The following SH3D19 variants were observed in gnomAD, a reference collection of about 807,000 sequenced individuals.
SH3D19 encodes SH3 domain containing 19.
SH3D19 carries 58 observed loss-of-function variants against 112.1 expected under a neutral mutation model. The ratio of observed to expected loss-of-function variants is 0.52; its 90% confidence interval spans 0.42 to 0.64. SH3D19 has a LOEUF of 0.64. Among genes scored for constraint, SH3D19 ranks in the 30% least tolerant of loss-of-function variants. The pLI, the probability that SH3D19 is intolerant of heterozygous loss-of-function variation, is 0.00. For synonymous variants in SH3D19, 391 were observed against 448.5 expected, an observed-to-expected ratio of 0.87 and a Z score of 1.62; for missense variants, 1,090 against 1,263.4, an observed-to-expected ratio of 0.86 and a Z score of 2.08.
At position 151,274,044 on chromosome 4, in the gene SH3D19, T is replaced by C. The variant is rs1039695330; in HGVS notation, c.113-47958A>G. 3.9e-5 allele frequency among the ~76,000 whole-genome samples: 6 copies of C among 152,206 alleles called. No individual in the cohort carries two copies. In the East Asian group the frequency reaches 1.2e-3, roughly 29 times the overall value. ...GTAGCAGAAAACCAGAGTGAATGCA[T>C]AAACCACAAAAACAAAATTGGATAC... On this transcript the variant is annotated intron_variant, in intron 1 of 19. Coordinates refer to ENST00000604030, the MANE Select transcript of SH3D19 (RefSeq NM_001378122.1).
intron 3 of SH3D19, among the ~76,000 whole-genome samples, chr4:151,183,261 G>A (rs1316772561): frequency 6.6e-6 from 1 of 152,008 alleles, no homozygotes; most frequent in African/African-American, 2.4e-5. Flanking sequence ...CAAAGTGCTG[G>A]GATTATAGGT....
chr4:151,220,879 T>G (rs905992508), intron 2 of SH3D19, among the ~76,000 whole-genome samples: 3 of 152,160 alleles, frequency 2.0e-5, no homozygotes, highest in African/African-American at 7.2e-5. Context: ...ACATACTGAT[T>G]AATAATCTAC....
Position 151,132,332 on chromosome 4 carries a change from TGA to T in SH3D19, c.2739_2740del (p.Gln914GlyfsTer2). The T allele has an allele frequency of 6.2e-7, 1 of 1,613,922 alleles. No individual in the cohort carries two copies. The highest frequency in any genetic ancestry group is 8.5e-7 in the Non-Finnish European group (1 of 1,179,854). ...TAGTCATCTGTTCAAGCAGCCTACC[TGA>T]GAGTTTGAGCCAGAATCTTCTTTTT... On this transcript the variant is annotated frameshift_variant and splice_region_variant, in exon 17 of 20. Coordinates refer to ENST00000604030, the MANE Select transcript of SH3D19 (RefSeq NM_001378122.1). LOFTEE classifies it high-confidence loss of function.
chr4:151,150,516 A>G (rs920578366), intron 9 of SH3D19, among the ~76,000 whole-genome samples: 10 of 151,790 alleles, frequency 6.6e-5, no homozygotes, highest in Non-Finnish European at 1.2e-4. Context: ...GTTTTGAACT[A>G]GAAGGAGGTG....
At chr4:151,130,464 A>C (rs1750397818) in intron 17 of SH3D19, among the ~76,000 whole-genome samples, 2 of 152,074 alleles carry the variant, frequency 1.3e-5, no homozygotes, top group Middle Eastern at 3.4e-3. Flanking sequence ...AAACAAAAAA[A>C]CCAAAATAAA....
At chr4:151,122,770 A>C (rs1420693647) in intron 19 of SH3D19, among the ~76,000 whole-genome samples, 2 of 151,628 alleles carry the variant, frequency 1.3e-5, no homozygotes, top group African/African-American at 2.4e-5. Context: ...TATTCTGTGT[A>C]CTTCACAGGA....
At chr4:151,244,356 G>A (rs930159511) in intron 1 of SH3D19, among the ~76,000 whole-genome samples, 1 of 152,200 alleles carries the variant, frequency 6.6e-6, no homozygotes. Context: ...TTCAAATGTT[G>A]ATAGGGCATA....
At chr4:151,300,925 G>A (rs1728350718) in intron 1 of SH3D19, among the ~76,000 whole-genome samples, 2 of 152,332 alleles carry the variant, frequency 1.3e-5, no homozygotes, top group African/African-American at 2.4e-5. Flanking sequence ...CTGACTATAT[G>A]TAGGCAATTG....
chr4:151,146,104 C>T (rs1267844154), intron 11 of SH3D19, among the ~76,000 whole-genome samples: 1 of 152,136 alleles, frequency 6.6e-6, no homozygotes, highest in African/African-American at 2.4e-5. Context: ...TATACTGCCT[C>T]CTTCTTATTT....
chr4:151,239,502 TGC>T (rs765221437), intron 1 of SH3D19, among the ~76,000 whole-genome samples: 2 of 152,220 alleles, frequency 1.3e-5, no homozygotes, highest in Non-Finnish European at 2.9e-5. Context: ...TTGGAAAGAA[TGC>T]ATTTTGAAGT....
chr4:151,183,844 A>G (rs1390907417), intron 3 of SH3D19, among the ~76,000 whole-genome samples: 14 of 152,198 alleles, frequency 9.2e-5, no homozygotes, highest in Admixed American at 7.2e-4. Flanking sequence ...TGGAAAGCTC[A>G]ATGGCCTTGA....
chr4:151,155,270 A>G (rs1370590114), intron 9 of SH3D19, among the ~76,000 whole-genome samples: 3 of 152,214 alleles, frequency 2.0e-5, no homozygotes. Flanking sequence ...TAGGAACCCT[A>G]CTATCCTCTT....
intron 7 of SH3D19, among the ~76,000 whole-genome samples, chr4:151,168,801 G>C (rs2149813775): frequency 6.6e-6 from 1 of 152,202 alleles, no homozygotes; most frequent in South Asian, 2.1e-4. Flanking sequence ...TAAAATTTTA[G>C]TCAATGATGC....
At chr4:151,290,973 A>G (rs1580425034) in intron 1 of SH3D19, 1 of 585,580 alleles carries the variant, frequency 1.7e-6, no homozygotes, top group East Asian at 2.8e-5. Context: ...TATCTCCCTA[A>G]AGCAGTGATT....
intron 16 of SH3D19, 76 bp downstream of exon 16, chr4:151,132,958 C>A: frequency 8.2e-7 from 1 of 1,225,826 alleles, no homozygotes; most frequent in South Asian, 1.5e-5. Context: ...GATTATTATA[C>A]AGCTTAAGTA....
rs56974448 is a variant in SH3D19 at position 151,213,689 on chromosome 4, T to TTTA, written c.152+12355_152+12357dup. On this transcript the variant is annotated intron_variant, in intron 2 of 19. Transcript: ENST00000604030. ...ATGAATTAATTAATTAATTAATTAA[T>TTTA]TTATTTATTTATTTGACAGGGTCTT... Among the ~76,000 whole-genome samples, 438 of 150,026 alleles carry TTTA rather than the reference T, an allele frequency of 2.9e-3. 1 individual carries two copies. Among genetic ancestry groups the TTTA allele is most frequent in the African/African-American group, 0.01 (416 of 40,664 alleles).
In SH3D19 at chr4:151,216,622, G is replaced by A. The variant is rs189928885; in HGVS notation, c.152+9425C>T. On this transcript the variant is annotated intron_variant, in intron 2 of 19. Transcript: ENST00000604030. Reference sequence around the variant, plus strand: ...TGCGCCCTGGACTGCTGAGAAATGGGTGGCCAACAAGCCCATCTTGAGAAA... The same window carrying A: ...TGCGCCCTGGACTGCTGAGAAATGGATGGCCAACAAGCCCATCTTGAGAAA... Among the ~76,000 whole-genome samples the A allele has an allele frequency of 4.4e-4, 67 of 152,276 alleles. 2 individuals are homozygous for A. The East Asian group carries it at 5.0e-3, about 11-fold the overall frequency.
chr4:151,218,738 C>T (rs1198829170), intron 2 of SH3D19, among the ~76,000 whole-genome samples: 1 of 152,148 alleles, frequency 6.6e-6, no homozygotes, highest in African/African-American at 2.4e-5. Context: ...GACTTCCGCA[C>T]ATCTTTTTAT....
At chr4:151,161,514 T>G (rs1434850490) in intron 8 of SH3D19, among the ~76,000 whole-genome samples, 3 of 152,046 alleles carry the variant, frequency 2.0e-5, no homozygotes, top group Non-Finnish European at 2.9e-5. Context: ...CTTACTTTTT[T>G]TCTTTGAAGA....
Sources: gnomAD v4.1 joint callset for allele counts (sites outside exome capture counted in the v4.1 genomes callset) on GRCh38, gnomAD v4.1.1 for gene constraint, MANE v1.5 for transcripts, NCBI Gene and HGNC (gene_info 2026-07-23, HGNC 2026-07-21) for gene names.